Variants in SH2D4B observed in about 807,000 individuals in gnomAD.
SH2D4B encodes the protein SH2 domain containing 4B.
A neutral mutation model predicts 61.5 loss-of-function variants in SH2D4B; 45 were observed. That is an observed-to-expected ratio of 0.73 (90% CI 0.58 to 0.94). The LOEUF (loss-of-function observed/expected upper bound fraction) is 0.94. Ranked by LOEUF, SH2D4B falls within the 40% of genes least tolerant of loss-of-function variation. SH2D4B has a pLI of 0.00. For missense variants in SH2D4B, 572 were observed against 574.2 expected (o/e 1.00, Z 0.04); for synonymous variants, 224 against 220.4 (o/e 1.02, Z -0.14).
intron 6 of SH2D4B, among the ~76,000 whole-genome samples, chr10:80,621,114 A>G (rs928404052): frequency 1.3e-5 from 2 of 152,216 alleles, no homozygotes; most frequent in African/African-American, 2.4e-5. Flanking sequence ...TTAATGGTCT[A>G]TGTCCATGTA....
intron 3 of SH2D4B, among the ~76,000 whole-genome samples, chr10:80,580,758 G>GC (rs1357638450): frequency 6.6e-6 from 1 of 152,154 alleles, no homozygotes; most frequent in Non-Finnish European, 1.5e-5. Flanking sequence ...GCAGACCCTG[G>GC]CCTCTGTGGG....
At chr10:80,634,258 T>C (rs950708191) in intron 6 of SH2D4B, 27 bp from the exon 7 acceptor site, 3 of 1,485,112 alleles carry the variant, frequency 2.0e-6, no homozygotes, top group Non-Finnish European at 2.7e-6. Flanking sequence ...CTGCTGTGTT[T>C]TTTTGTTTTT....
At chr10:80,618,581 A>G (rs1171891552) in intron 6 of SH2D4B, among the ~76,000 whole-genome samples, 1 of 152,224 alleles carries the variant, frequency 6.6e-6, no homozygotes, top group African/African-American at 2.4e-5. Flanking sequence ...TAATAATTCC[A>G]GCCTCCTTAA....
chr10:80,595,342 T>A (rs1842373706), intron 4 of SH2D4B, among the ~76,000 whole-genome samples: 2 of 152,222 alleles, frequency 1.3e-5, no homozygotes, highest in Non-Finnish European at 2.9e-5. Flanking sequence ...GCTTGAAAAC[T>A]GGGCTGTCTT....
At chr10:80,584,081 T>C (rs1381926506) in intron 3 of SH2D4B, among the ~76,000 whole-genome samples, 2 of 152,250 alleles carry the variant, frequency 1.3e-5, no homozygotes, top group Non-Finnish European at 2.9e-5. Context: ...AATCAAATTC[T>C]GTGCTCAGCT....
At chr10:80,560,372 A>AT (rs1046386490) in intron 1 of SH2D4B, among the ~76,000 whole-genome samples, 4,098 of 144,454 alleles carry the variant, frequency 0.028, 112 homozygotes, top group African/African-American at 0.078. Flanking sequence ...ATATTCTTAG[A>AT]TTTTTTTTTT....
chr10:80,548,821 G>A (rs910526019), intron 1 of SH2D4B, among the ~76,000 whole-genome samples: 6 of 152,164 alleles, frequency 3.9e-5, no homozygotes, highest in African/African-American at 1.4e-4. Context: ...GCCAACCTCA[G>A]TTTTTCTGGA....
intron 7 of SH2D4B, among the ~76,000 whole-genome samples, chr10:80,639,709 A>G (rs571172076): frequency 4.6e-5 from 7 of 152,242 alleles, no homozygotes; most frequent in African/African-American, 1.7e-4. Flanking sequence ...AATACAGCAC[A>G]CTGATGGGTC....
chr10:80,629,770 G>T (rs7099231), intron 6 of SH2D4B, among the ~76,000 whole-genome samples: 14,126 of 152,232 alleles, frequency 0.093, 1,262 homozygotes, highest in African/African-American at 0.23. Context: ...TCAAACAGCC[G>T]TAAGACATAG....
At chr10:80,541,603 G>A (rs1261561255) in intron 1 of SH2D4B, among the ~76,000 whole-genome samples, 1 of 152,120 alleles carries the variant, frequency 6.6e-6, no homozygotes, top group Non-Finnish European at 1.5e-5. Context: ...TCTTTTCTGG[G>A]AACATTCCTC....
At chr10:80,587,389 C>T (rs997532995) in intron 3 of SH2D4B, among the ~76,000 whole-genome samples, 1 of 152,038 alleles carries the variant, frequency 6.6e-6, no homozygotes, top group Non-Finnish European at 1.5e-5. Flanking sequence ...AAGCGATTCT[C>T]CTGCCTCAGC....
chr10:80,603,123 C>T (rs753425274), intron 4 of SH2D4B, among the ~76,000 whole-genome samples: 15 of 152,044 alleles, frequency 9.9e-5, no homozygotes, highest in Non-Finnish European at 1.9e-4. Flanking sequence ...ATGTGGGTGA[C>T]GGTGGTAGTG....
intron 3 of SH2D4B, among the ~76,000 whole-genome samples, chr10:80,571,915 G>GGC (rs1842051927): frequency 6.6e-6 from 1 of 151,812 alleles, no homozygotes; most frequent in African/African-American, 2.4e-5. Context: ...TGGGACTACA[G>GGC]GTGCCCACCA....
intron 6 of SH2D4B, among the ~76,000 whole-genome samples, chr10:80,617,649 A>T (rs1842675796): frequency 6.6e-6 from 1 of 152,238 alleles, no homozygotes; most frequent in African/African-American, 2.4e-5. Flanking sequence ...AAACTGATGT[A>T]ACCTAAAAGA....
chr10:80,623,538 C>T (rs1010655715), intron 6 of SH2D4B, among the ~76,000 whole-genome samples: 4 of 152,166 alleles, frequency 2.6e-5, no homozygotes, highest in African/African-American at 7.2e-5. Flanking sequence ...TAGCAAGGCT[C>T]GTGGGGATAT....
intron 1 of SH2D4B, among the ~76,000 whole-genome samples, chr10:80,548,129 T>C (rs998210164): frequency 6.6e-6 from 1 of 152,174 alleles, no homozygotes; most frequent in African/African-American, 2.4e-5. Flanking sequence ...CCTTAGCTCA[T>C]TTTCTGAGGG....
chr10:80,540,151 A>C (rs144656290), intron 1 of SH2D4B, among the ~76,000 whole-genome samples: 11 of 152,344 alleles, frequency 7.2e-5, no homozygotes, highest in Non-Finnish European at 1.6e-4. Context: ...CTGGTGCAGA[A>C]GATCCTTTTT....
chr10:80,615,483 C>T (rs1053435201), intron 6 of SH2D4B, among the ~76,000 whole-genome samples: 9 of 152,238 alleles, frequency 5.9e-5, no homozygotes, highest in African/African-American at 1.7e-4. Context: ...ATTCGGAGAA[C>T]TTCTTTTAGG....
At chr10:80,568,898 C>T (rs1842004469) in intron 1 of SH2D4B, among the ~76,000 whole-genome samples, 1 of 152,182 alleles carries the variant, frequency 6.6e-6, no homozygotes, top group Non-Finnish European at 1.5e-5. Flanking sequence ...GTTCAGAAAG[C>T]ATGGGGTCTG....
Sources: allele counts gnomAD v4.1 joint callset (sites outside exome capture counted in the v4.1 genomes callset), GRCh38; gene constraint gnomAD v4.1.1; transcripts MANE v1.5; gene names NCBI Gene and HGNC (gene_info 2026-07-23, HGNC 2026-07-21).